MAML3: variants seen among roughly 807,000 people sequenced by gnomAD.
MAML3 encodes the protein mastermind like transcriptional coactivator 3, also known as mastermind-like protein 3.
MAML3 carries 27 observed loss-of-function variants against 101.9 expected under a neutral mutation model. That is an observed-to-expected ratio of 0.27 (90% CI 0.20 to 0.37). The LOEUF (loss-of-function observed/expected upper bound fraction) is 0.37. Among genes scored for constraint, MAML3 ranks in the 10% least tolerant of loss-of-function variants. The pLI, the probability that MAML3 is intolerant of heterozygous loss-of-function variation, is 1.00. For missense variants in MAML3, 1,316 were observed against 1,444.9 expected (o/e 0.91, Z 1.45); for synonymous variants, 501 against 555.9 (o/e 0.90, Z 1.39).
intron 1 of MAML3, among the ~76,000 whole-genome samples, chr4:139,937,340 GA>G (rs1260560170): frequency 1.3e-5 from 2 of 150,526 alleles, no homozygotes; most frequent in African/African-American, 4.9e-5. Context: ...GACATAAAGT[GA>G]ATTAAGAGTT....
chr4:140,129,373 C>T (rs1467981218), intron 1 of MAML3, among the ~76,000 whole-genome samples: 1 of 152,154 alleles, frequency 6.6e-6, no homozygotes, highest in Non-Finnish European at 1.5e-5. Flanking sequence ...AAGAAGGTGA[C>T]TCTAAATCCC....
intron 1 of MAML3, among the ~76,000 whole-genome samples, chr4:139,991,867 C>G (rs1734678606): frequency 1.3e-5 from 2 of 152,056 alleles, no homozygotes; most frequent in South Asian, 4.2e-4. Flanking sequence ...AACAACAAAC[C>G]ATCTATTTTA....
In MAML3 at chr4:140,122,061, C is replaced by G. The variant is rs543941328; in HGVS notation, c.468+30799G>C. Reference sequence around the variant, plus strand: ...ATGATTGTAAGTTTCCTGAGGCCTCCCCAGCCATTTGGAACTGCGAGTCGA... The same window carrying G: ...ATGATTGTAAGTTTCCTGAGGCCTCGCCAGCCATTTGGAACTGCGAGTCGA... On this transcript the variant is annotated intron_variant, in intron 1 of 4. Coordinates refer to ENST00000509479, the MANE Select transcript of MAML3 (RefSeq NM_018717.5). 6.6e-5 allele frequency among the ~76,000 whole-genome samples: 10 copies of G among 152,180 alleles called. No homozygotes were observed. The East Asian group carries it at 1.9e-3, about 29-fold the overall frequency.
intron 1 of MAML3, among the ~76,000 whole-genome samples, chr4:140,086,531 G>C (rs1260143167): frequency 6.6e-6 from 1 of 152,156 alleles, no homozygotes; most frequent in Non-Finnish European, 1.5e-5. Flanking sequence ...AAAAAAAAAG[G>C]CATTTAAAAT....
At chr4:140,020,078 C>T (rs966594415) in intron 1 of MAML3, among the ~76,000 whole-genome samples, 7 of 152,212 alleles carry the variant, frequency 4.6e-5, no homozygotes, top group Non-Finnish European at 1.0e-4. Context: ...ATTCTTCCCA[C>T]TGCAAACACC....
chr4:140,079,721 T>C (rs1001800796), intron 1 of MAML3, among the ~76,000 whole-genome samples: 2 of 152,154 alleles, frequency 1.3e-5, no homozygotes, highest in African/African-American at 4.8e-5. Context: ...TATAAGAAAG[T>C]AGTTAATATT....
chr4:139,976,335 C>A (rs1734339788), intron 1 of MAML3, among the ~76,000 whole-genome samples: 1 of 152,152 alleles, frequency 6.6e-6, no homozygotes, highest in South Asian at 2.1e-4. Flanking sequence ...TTTTTAACAT[C>A]AGCCTTGGTG....
intron 1 of MAML3, among the ~76,000 whole-genome samples, chr4:140,110,283 C>T (rs1404417816): frequency 2.6e-5 from 4 of 152,224 alleles, no homozygotes; most frequent in Non-Finnish European, 5.9e-5. Flanking sequence ...GAGCCCCCTA[C>T]GACTGCATGC....
chr4:139,819,799 A>T (rs1470429662), intron 2 of MAML3, among the ~76,000 whole-genome samples: 1 of 152,220 alleles, frequency 6.6e-6, no homozygotes, highest in Non-Finnish European at 1.5e-5. Flanking sequence ...TCTTTAACTG[A>T]CCATGAGTGT....
At chr4:139,905,976 C>A (rs1015024784) in intron 1 of MAML3, among the ~76,000 whole-genome samples, 2 of 152,192 alleles carry the variant, frequency 1.3e-5, no homozygotes, top group Admixed American at 6.5e-5. Context: ...ATCATTCTTG[C>A]ATGGCTGGTT....
At chr4:139,877,054 A>G (rs1228151562) in intron 2 of MAML3, among the ~76,000 whole-genome samples, 1 of 152,238 alleles carries the variant, frequency 6.6e-6, no homozygotes, top group African/African-American at 2.4e-5. Flanking sequence ...CTCCTGTAGG[A>G]AATCATGATA....
chr4:140,129,335 C>T (rs554487564), intron 1 of MAML3, among the ~76,000 whole-genome samples: 6 of 152,234 alleles, frequency 3.9e-5, no homozygotes, highest in African/African-American at 9.6e-5. Flanking sequence ...CAAGTTGTCC[C>T]GTTTGAAGGT....
chr4:139,769,622 C>CT lies in MAML3; in HGVS notation c.2080-38956dup, dbSNP rs113328444. ...GACCTTCCATGTCAAAGTTCTTTTTCTTTTTTTTTTTTGACGGAGTTTCAC... is the reference window on the plus strand; with the variant it reads ...GACCTTCCATGTCAAAGTTCTTTTTCTTTTTTTTTTTTTGACGGAGTTTCAC... On this transcript the variant is annotated intron_variant, in intron 2 of 4. Coordinates refer to ENST00000509479, the MANE Select transcript of MAML3 (RefSeq NM_018717.5). Among the ~76,000 whole-genome samples the CT allele has an allele frequency of 1.1e-3, 156 of 145,552 alleles. 1 individual carries two copies. The highest frequency in any genetic ancestry group is 3.5e-3 in the Middle Eastern group (1 of 282).
intron 1 of MAML3, among the ~76,000 whole-genome samples, chr4:140,129,585 AG>A (rs1375928438): frequency 6.6e-6 from 1 of 152,200 alleles, no homozygotes; most frequent in Admixed American, 6.5e-5. Context: ...CCAAACGTGT[AG>A]AAACGAAAGG....
chr4:139,793,313 T>C (rs1027603526), intron 2 of MAML3, among the ~76,000 whole-genome samples: 1 of 152,210 alleles, frequency 6.6e-6, no homozygotes, highest in Non-Finnish European at 1.5e-5. Context: ...GGACATTTAT[T>C]AATGCTAGTA....
intron 1 of MAML3, among the ~76,000 whole-genome samples, chr4:139,983,503 G>C (rs1326161166): frequency 3.3e-5 from 5 of 152,130 alleles, no homozygotes; most frequent in Admixed American, 6.5e-5. Context: ...GACCAGAAAG[G>C]CTTTGAATTT....
intron 2 of MAML3, among the ~76,000 whole-genome samples, chr4:139,829,732 TTTATG>T (rs1187928533): frequency 2.6e-5 from 4 of 152,170 alleles, no homozygotes; most frequent in Admixed American, 1.3e-4. Flanking sequence ...CTGTATGTGG[TTTATG>T]TTATGTTATG....
chr4:140,133,305 C>T (rs1728827017), intron 1 of MAML3, among the ~76,000 whole-genome samples: 1 of 152,176 alleles, frequency 6.6e-6, no homozygotes, highest in South Asian at 2.1e-4. Flanking sequence ...CTTGTGGTAT[C>T]AATTACAGGG....
chr4:139,725,357 C>T (rs1208518460), intron 4 of MAML3, among the ~76,000 whole-genome samples: 2 of 152,188 alleles, frequency 1.3e-5, no homozygotes, highest in African/African-American at 4.8e-5. Flanking sequence ...ATTTTTGCCC[C>T]TGTAGTCACT....
Sources: gnomAD v4.1 joint callset for allele counts (sites outside exome capture counted in the v4.1 genomes callset) on GRCh38, gnomAD v4.1.1 for gene constraint, MANE v1.5 for transcripts, NCBI Gene and HGNC (gene_info 2026-07-23, HGNC 2026-07-21) for gene names.